The following PHYHIPL variants were observed in gnomAD, a reference collection of about 807,000 sequenced individuals.
The protein encoded by PHYHIPL is phytanoyl-CoA 2-hydroxylase interacting protein like.
PHYHIPL carries 9 observed loss-of-function variants against 33.4 expected under a neutral mutation model. The ratio of observed to expected loss-of-function variants is 0.27; its 90% CI spans 0.16 to 0.47. The LOEUF (loss-of-function observed/expected upper bound fraction) is 0.47. PHYHIPL is among the 20% of genes least tolerant of loss of function. The pLI, the probability that PHYHIPL is intolerant of heterozygous loss-of-function variation, is 0.99. For synonymous variants in PHYHIPL, 153 were observed against 154.1 expected (o/e 0.99, Z 0.05); for missense variants, 365 against 460.7 (o/e 0.79, Z 1.90).
rs990867207 is a variant in PHYHIPL at position 59,234,404 on chromosome 10, A to G, written c.207A>G (p.Ser69=). The change falls in exon 2 of 5, where the codon TCA becomes TCG. Residue 69 remains serine, a synonymous_variant. Transcript: ENST00000373880. ...TAACGTGTGACTCATTCAAGATTTC[A>G]TGGGAAATGGATTCAAAATCAAAGG... ...SNITCDSFKI[S]WEMDSKSKDR... 6.2e-7 allele frequency: 1 copy of G among 1,604,232 alleles called. No individual in the cohort carries two copies. The highest frequency in any genetic ancestry group is 2.3e-5 in the East Asian group (1 of 44,288).
At chr10:59,220,124 G>T (rs564999984) in intron 1 of PHYHIPL, among the ~76,000 whole-genome samples, 21 of 152,054 alleles carry the variant, frequency 1.4e-4, no homozygotes, top group Middle Eastern at 3.4e-3. Context: ...TTACTCCTGG[G>T]TGTCTTTGTT....
chr10:59,180,997 A>G (rs190083477), intron 1 of PHYHIPL, among the ~76,000 whole-genome samples: 193 of 152,250 alleles, frequency 1.3e-3, no homozygotes, highest in Non-Finnish European at 2.4e-3. Context: ...GCATAGTGAT[A>G]ATACCATTTT....
intron 1 of PHYHIPL, among the ~76,000 whole-genome samples, chr10:59,187,043 G>A (rs1208496583): frequency 3.3e-5 from 5 of 152,166 alleles, no homozygotes; most frequent in Admixed American, 6.5e-5. Context: ...TCTTGTACCA[G>A]TTTTCAAAGG....
intron 1 of PHYHIPL, among the ~76,000 whole-genome samples, chr10:59,210,881 A>C (rs1360378814): frequency 6.6e-6 from 1 of 152,106 alleles, no homozygotes; most frequent in Non-Finnish European, 1.5e-5. Flanking sequence ...CAGTGAGAAC[A>C]CATAGACACA....
intron 1 of PHYHIPL, among the ~76,000 whole-genome samples, chr10:59,229,374 T>C (rs1472179458): frequency 6.6e-6 from 1 of 152,148 alleles, no homozygotes; most frequent in African/African-American, 2.4e-5. Context: ...TGGTGAATGA[T>C]TTCTATTGTG....
At position 59,247,726 on chromosome 10, in the gene PHYHIPL, T is replaced by C; in HGVS notation, c.*2135T>C. The C allele has an allele frequency of 1.2e-6, 2 of 1,610,536 alleles. No homozygotes were observed. The highest frequency in any genetic ancestry group is 1.7e-6 in the Non-Finnish European group (2 of 1,178,638). The stretch of plus-strand genomic sequence containing the variant: ...ATCTGCCATTGGTATCCTATCTTCC[T>C]TTTGTGGACTTCTGCAAAACAAAAA... On this transcript the variant is annotated 3_prime_UTR_variant, in exon 5 of 5. Coordinates refer to ENST00000373880, the MANE Select transcript of PHYHIPL (RefSeq NM_032439.4).
rs543570846 is a variant in PHYHIPL at position 59,242,314 on chromosome 10, T to A, written c.597-2743T>A. ...ACTCCTACCTCCTCCAAGTAGTAAC[T>A]GACCCTCCTACCCTGTGTCACCGGA... On this transcript the variant is annotated intron_variant, in intron 4 of 4. Transcript: ENST00000373880. 1.8e-4 allele frequency among the ~76,000 whole-genome samples: 28 copies of A among 152,250 alleles called. 1 individual carries two copies. The South Asian group carries it at 5.8e-3, about 32-fold the overall frequency.
rs1217412470 is a variant in PHYHIPL at position 59,247,667 on chromosome 10, G to A, written c.*2076G>A. The A allele has an allele frequency of 1.2e-6, 2 of 1,613,412 alleles. No homozygotes were observed. The highest frequency in any genetic ancestry group is 1.7e-6 in the Non-Finnish European group (2 of 1,179,634). ...CTGATGAGGACCTCTAATAGTCTCA[G>A]TTTGGCTTTTATGTGCTTATATTCA... On this transcript the variant is annotated 3_prime_UTR_variant, in exon 5 of 5. Coordinates refer to ENST00000373880, the MANE Select transcript of PHYHIPL (RefSeq NM_032439.4).
chr10:59,199,974 T>G lies in PHYHIPL; in HGVS notation c.106+23015T>G, dbSNP rs1463000911. ...ATTTTGGGCTGAGACGATGGGGTTT[T>G]CTAGATGTACAATCATGTCATCTGC... On this transcript the variant is annotated intron_variant, in intron 1 of 4. Coordinates refer to ENST00000373880, the MANE Select transcript of PHYHIPL (RefSeq NM_032439.4). 2.6e-5 allele frequency among the ~76,000 whole-genome samples: 4 copies of G among 152,206 alleles called. No individual in the cohort carries two copies. The East Asian group carries it at 5.8e-4, about 22-fold the overall frequency.
chr10:59,220,168 G>A (rs896241657), intron 1 of PHYHIPL, among the ~76,000 whole-genome samples: 1 of 151,980 alleles, frequency 6.6e-6, no homozygotes, highest in Non-Finnish European at 1.5e-5. Context: ...TAAAAAGATA[G>A]GCATAGTCAA....
At chr10:59,222,372 A>C (rs1046583924) in intron 1 of PHYHIPL, among the ~76,000 whole-genome samples, 23 of 152,032 alleles carry the variant, frequency 1.5e-4, no homozygotes, top group Non-Finnish European at 2.9e-4. Context: ...GGGCTTAAGG[A>C]TTAGATGCAT....
At chr10:59,233,579 C>T (rs1309748692) in intron 1 of PHYHIPL, among the ~76,000 whole-genome samples, 2 of 151,634 alleles carry the variant, frequency 1.3e-5, no homozygotes, top group East Asian at 3.9e-4. Context: ...TCCTATGATC[C>T]ATCAAATCCT....
intron 1 of PHYHIPL, among the ~76,000 whole-genome samples, chr10:59,197,316 T>C (rs1231373301): frequency 6.6e-6 from 1 of 152,230 alleles, no homozygotes; most frequent in African/African-American, 2.4e-5. Context: ...CATCTTATTC[T>C]TTCTCTGAAA....
At chr10:59,244,562 C>CAAAAAAAAAAA (rs71006239) in intron 4 of PHYHIPL, among the ~76,000 whole-genome samples, 1,400 of 39,512 alleles carry the variant, frequency 0.035, 376 homozygotes, top group Non-Finnish European at 0.051. Flanking sequence ...GACTCTGTCT[C>CAAAAAAAAAAA]AAAAAAAAAA....
intron 1 of PHYHIPL, among the ~76,000 whole-genome samples, chr10:59,200,593 C>A (rs901553509): frequency 1.3e-5 from 2 of 152,114 alleles, no homozygotes; most frequent in African/African-American, 2.4e-5. Context: ...GGGAGGATTC[C>A]CCCTTTTTCT....
intron 1 of PHYHIPL, among the ~76,000 whole-genome samples, chr10:59,192,696 T>C (rs966724423): frequency 1.3e-5 from 2 of 152,124 alleles, no homozygotes; most frequent in Non-Finnish European, 2.9e-5. Flanking sequence ...AAACAACATT[T>C]CTGAGACAAA....
intron 4 of PHYHIPL, among the ~76,000 whole-genome samples, chr10:59,244,518 C>T (rs546913162): frequency 6.8e-4 from 85 of 124,702 alleles, no homozygotes; most frequent in Non-Finnish European, 1.1e-3. Flanking sequence ...GAGCCAAGAT[C>T]GTGCCACTGC....
At chr10:59,235,937 A>G (rs1299014559) in intron 2 of PHYHIPL, among the ~76,000 whole-genome samples, 2 of 151,938 alleles carry the variant, frequency 1.3e-5, no homozygotes, top group Non-Finnish European at 2.9e-5. Context: ...GGGCAGCTTT[A>G]GTGAAATTAT....
At chr10:59,236,701 G>T in intron 3 of PHYHIPL, 44 bp downstream of exon 3, 2 of 1,444,172 alleles carry the variant, frequency 1.4e-6, no homozygotes, top group Non-Finnish European at 1.9e-6. Context: ...TAGTTGTTCT[G>T]GGAAAGCTAA....
Sources: gnomAD v4.1 joint callset for allele counts (sites outside exome capture counted in the v4.1 genomes callset) on GRCh38, gnomAD v4.1.1 for gene constraint, MANE v1.5 for transcripts, NCBI Gene and HGNC (gene_info 2026-07-23, HGNC 2026-07-21) for gene names.